CSMD1: variants seen among roughly 807,000 people sequenced by gnomAD.
CSMD1 encodes CUB and Sushi multiple domains 1.
A neutral mutation model predicts 417.5 loss-of-function variants in CSMD1; 213 were observed. That is an observed-to-expected ratio of 0.51 (90% CI 0.46 to 0.57). The LOEUF is 0.57. Among genes scored for constraint, CSMD1 ranks in the 20% least tolerant of loss-of-function variants. The pLI is 0.00. For missense variants in CSMD1, 6,923 were observed against 4,529.7 expected (o/e 1.53, Z -15.17); for synonymous variants, 2,862 against 1,736.8 (o/e 1.65, Z -16.11).
chr8:4,445,268 C>G (rs1285605752), intron 2 of CSMD1, among the ~76,000 whole-genome samples: 1 of 152,140 alleles, frequency 6.6e-6, no homozygotes, highest in Non-Finnish European at 1.5e-5. Flanking sequence ...CATATGTTCT[C>G]TGTCATTACC....
At chr8:3,599,223 A>C (rs2449176) in intron 8 of CSMD1, among the ~76,000 whole-genome samples, 1 of 151,376 alleles carries the variant, frequency 6.6e-6, no homozygotes, top group African/African-American at 2.4e-5. Context: ...CTAAATGATA[A>C]ACAAAGTGAA....
At chr8:4,028,159 A>C (rs1797159764) in intron 4 of CSMD1, among the ~76,000 whole-genome samples, 1 of 152,196 alleles carries the variant, frequency 6.6e-6, no homozygotes, top group African/African-American at 2.4e-5. Flanking sequence ...TTTTAGAAAA[A>C]ATAATGGGCA....
chr8:3,683,189 A>G (rs1585069952), intron 7 of CSMD1, among the ~76,000 whole-genome samples: 1 of 152,104 alleles, frequency 6.6e-6, no homozygotes, highest in East Asian at 1.9e-4. Context: ...TAGAAGTATA[A>G]TAAGAAATAT....
chr8:4,224,013 T>A (rs921458056), intron 3 of CSMD1, among the ~76,000 whole-genome samples: 3 of 152,136 alleles, frequency 2.0e-5, no homozygotes, highest in Non-Finnish European at 2.9e-5. Flanking sequence ...CAAACTCGTA[T>A]CCCGGGTACG....
At chr8:4,067,797 G>A (rs1439868523) in intron 3 of CSMD1, among the ~76,000 whole-genome samples, 1 of 152,130 alleles carries the variant, frequency 6.6e-6, no homozygotes, top group East Asian at 1.9e-4. Flanking sequence ...ACTAAAATGG[G>A]GCCAGATACA....
At chr8:3,926,271 C>G (rs931348966) in intron 5 of CSMD1, among the ~76,000 whole-genome samples, 3 of 152,194 alleles carry the variant, frequency 2.0e-5, no homozygotes, top group Admixed American at 6.5e-5. Flanking sequence ...CATGTCCTCT[C>G]TAACCAATAC....
At chr8:4,845,515 C>G (rs1295831622) in intron 1 of CSMD1, among the ~76,000 whole-genome samples, 1 of 152,244 alleles carries the variant, frequency 6.6e-6, no homozygotes, top group Non-Finnish European at 1.5e-5. Flanking sequence ...ACGTTCTCCT[C>G]AACTACGTAT....
chr8:3,190,200 C>G (rs977834847), intron 33 of CSMD1, 85 bp from the exon 34 acceptor site: 14 of 951,840 alleles, frequency 1.5e-5, no homozygotes, highest in Non-Finnish European at 1.3e-5. Context: ...AAGATGGGAC[C>G]AAGGAGAGCT....
chr8:3,328,271 A>G (rs907742003), intron 23 of CSMD1, among the ~76,000 whole-genome samples: 1 of 152,154 alleles, frequency 6.6e-6, no homozygotes, highest in African/African-American at 2.4e-5. Context: ...GTTCTGCTTC[A>G]TAAATGCTTT....
At chr8:4,745,072 C>G (rs1302064892) in intron 1 of CSMD1, among the ~76,000 whole-genome samples, 1 of 151,940 alleles carries the variant, frequency 6.6e-6, no homozygotes, top group Non-Finnish European at 1.5e-5. Context: ...AGTTTTTGGT[C>G]AATAAAATCT....
Position 2,972,767 on chromosome 8 carries a change from G to GATC in CSMD1, c.8923+347_8923+349dup, listed in dbSNP as rs1246220414. On this transcript the variant is annotated intron_variant, in intron 57 of 69. Coordinates refer to ENST00000635120, the MANE Select transcript of CSMD1 (RefSeq NM_033225.6). Reference sequence around the variant, plus strand: ...CCAGCCTGCGGAAATTCCCATCAGTGATCTGCATTGGTCCTGCTCACTGCT... The same window carrying GATC: ...CCAGCCTGCGGAAATTCCCATCAGTGATCATCTGCATTGGTCCTGCTCACTGCT... Among the ~76,000 whole-genome samples the GATC allele has an allele frequency of 3.3e-5, 5 of 152,302 alleles. No homozygotes were observed. The East Asian group carries it at 9.7e-4, about 29-fold the overall frequency.
At chr8:3,440,007 A>G (rs1390749223) in intron 12 of CSMD1, among the ~76,000 whole-genome samples, 1 of 151,976 alleles carries the variant, frequency 6.6e-6, no homozygotes, top group African/African-American at 2.4e-5. Flanking sequence ...CATTCCATTA[A>G]TCTCTGTGTC....
chr8:3,541,142 A>G (rs1798420096), intron 10 of CSMD1, among the ~76,000 whole-genome samples: 1 of 152,242 alleles, frequency 6.6e-6, no homozygotes, highest in Admixed American at 6.5e-5. Flanking sequence ...ATGTCCATCA[A>G]TGACAGACTG....
chr8:4,076,769 G>A (rs1206282013), intron 3 of CSMD1, among the ~76,000 whole-genome samples: 2 of 152,064 alleles, frequency 1.3e-5, no homozygotes, highest in Non-Finnish European at 2.9e-5. Flanking sequence ...CACATTTCAG[G>A]CTCTGAACAA....
rs767615951 is a variant in CSMD1, at chr8:3,307,746, T to C, written c.3899A>G (p.Asn1300Ser). ...LSPGYPAPYD[N>S]NLHCTWIIEA... Reference sequence around the variant, plus strand: ...TATAATCCAGGTGCAGTGGAGGTTGTTGTCATACGGAGCTGGATAGCCAGG... The same window carrying C: ...TATAATCCAGGTGCAGTGGAGGTTGCTGTCATACGGAGCTGGATAGCCAGG... The change falls in exon 25 of 70, where the codon AAC (asparagine) becomes AGC (serine). Residue 1300 changes from asparagine to serine, a missense_variant. By Grantham distance (46) the Asn-to-Ser change is conservative (BLOSUM62 1). Transcript: ENST00000635120. 4.3e-6 allele frequency: 7 copies of C among 1,613,782 alleles called. No individual in the cohort carries two copies. The highest frequency in any genetic ancestry group is 4.0e-5 in the African/African-American group (3 of 75,044).
chr8:4,198,671 G>A (rs1326535795), intron 3 of CSMD1, among the ~76,000 whole-genome samples: 2 of 151,996 alleles, frequency 1.3e-5, no homozygotes, highest in Admixed American at 6.6e-5. Context: ...TTTCCAGATG[G>A]GGCTGGTAAA....
intron 5 of CSMD1, among the ~76,000 whole-genome samples, chr8:3,954,994 G>A (rs1186278009): frequency 9.9e-5 from 15 of 152,176 alleles, no homozygotes; most frequent in Admixed American, 9.8e-4. Flanking sequence ...GTTAATAAGT[G>A]TGGACCATCA....
intron 3 of CSMD1, among the ~76,000 whole-genome samples, chr8:4,206,837 T>G (rs1037077091): frequency 2.0e-5 from 3 of 152,352 alleles, no homozygotes; most frequent in South Asian, 2.1e-4. Flanking sequence ...GATTATTTTG[T>G]GGGCTCCTAG....
At chr8:4,188,165 A>C (rs1798794607) in intron 3 of CSMD1, among the ~76,000 whole-genome samples, 1 of 152,122 alleles carries the variant, frequency 6.6e-6, no homozygotes, top group Admixed American at 6.6e-5. Context: ...TTTAAATTGC[A>C]CGTCATTCTT....
Sources: gnomAD v4.1 joint callset for allele counts (sites outside exome capture counted in the v4.1 genomes callset) on GRCh38, gnomAD v4.1.1 for gene constraint, MANE v1.5 for transcripts, NCBI Gene and HGNC (gene_info 2026-07-23, HGNC 2026-07-21) for gene names.